ATP8B4: variants seen among roughly 807,000 people sequenced by gnomAD.
ATP8B4 encodes probable phospholipid-transporting ATPase IM.
In ATP8B4, 133 loss-of-function variants were observed where a neutral mutation model predicts 145.6. The observed-to-expected ratio is 0.91, with a 90% confidence interval of 0.79 to 1.05. The LOEUF (loss-of-function observed/expected upper bound fraction) is 1.05, where lower values mean the gene tolerates loss of function less well. Among genes scored for constraint, ATP8B4 ranks in the 50% least tolerant of loss-of-function variants. The pLI is 0.00. For synonymous variants in ATP8B4, 507 were observed against 492.9 expected (o/e 1.03, Z -0.38); for missense variants, 1,458 against 1,425.2 (o/e 1.02, Z -0.37).
chr15:50,043,413 T>G (rs147711392), intron 5 of ATP8B4, among the ~76,000 whole-genome samples: 97 of 152,236 alleles, frequency 6.4e-4, no homozygotes, highest in African/African-American at 2.2e-3. Flanking sequence ...ATACACAGAT[T>G]TTTTTTCTCT....
At chr15:50,000,872 A>G (rs2047832298) in intron 8 of ATP8B4, among the ~76,000 whole-genome samples, 1 of 152,118 alleles carries the variant, frequency 6.6e-6, no homozygotes, top group South Asian at 2.1e-4. Flanking sequence ...TTATAGAGCT[A>G]TTCAAATTAT....
intron 19 of ATP8B4, among the ~76,000 whole-genome samples, chr15:49,918,156 T>C (rs142514551): frequency 6.6e-6 from 1 of 152,358 alleles, no homozygotes; most frequent in African/African-American, 2.4e-5. Context: ...CCATTACTGC[T>C]AGCAGTAGAT....
intron 24 of ATP8B4, 133 bp downstream of exon 24, chr15:49,879,243 A>G: frequency 1.4e-6 from 1 of 740,512 alleles, no homozygotes; most frequent in Non-Finnish European, 2.2e-6. Context: ...AGCATGTGTG[A>G]TCCATGCAAA....
chr15:49,912,551 C>G (rs905812708), intron 20 of ATP8B4, among the ~76,000 whole-genome samples: 3 of 151,876 alleles, frequency 2.0e-5, no homozygotes, highest in Non-Finnish European at 4.4e-5. Flanking sequence ...AAAGAAAAAC[C>G]CAGAATTGGA....
chr15:50,038,685 T>C, intron 6 of ATP8B4, 83 bp downstream of exon 6: 4 of 1,057,232 alleles, frequency 3.8e-6, no homozygotes, highest in Non-Finnish European at 5.7e-6. Context: ...ATGTATCTAA[T>C]TAAAAGAGAA....
intron 1 of ATP8B4, among the ~76,000 whole-genome samples, chr15:50,127,143 A>G (rs2057313212): frequency 6.6e-6 from 1 of 152,154 alleles, no homozygotes; most frequent in South Asian, 2.1e-4. Context: ...AGGTCAAACC[A>G]ATAGCCTCCA....
chr15:49,919,542 C>T (rs1191941270), intron 18 of ATP8B4, among the ~76,000 whole-genome samples: 5 of 152,100 alleles, frequency 3.3e-5, no homozygotes, highest in Non-Finnish European at 7.4e-5. Context: ...CTCAGCCTCC[C>T]AAGTAGTTGG....
rs1360265032 is a variant in ATP8B4, at chr15:50,044,580, G to C, written c.300+14C>G. 6.4e-7 allele frequency: 1 copy of C among 1,572,268 alleles called. No homozygotes were observed. The highest frequency in any genetic ancestry group is 8.7e-7 in the Non-Finnish European group (1 of 1,145,376). ...AAATTGAGACCTCAAGAATGCTCAA[G>C]AGCAAATACTCACATAGTCATCTGT... On this transcript the variant is annotated intron_variant, in intron 5 of 27. Transcript: ENST00000284509.
chr15:50,002,040 T>A, intron 8 of ATP8B4, 113 bp downstream of exon 8: 1 of 836,798 alleles, frequency 1.2e-6, no homozygotes, highest in Non-Finnish European at 1.9e-6. Flanking sequence ...CTTTGCAATG[T>A]AAACTCCTAT....
chr15:50,002,101 A>T, intron 8 of ATP8B4, 52 bp downstream of exon 8: 1 of 1,405,166 alleles, frequency 7.1e-7, no homozygotes, highest in Non-Finnish European at 9.9e-7. Context: ...TAAAGACATT[A>T]CTTTTAAATA....
At chr15:50,036,568 G>A (rs1375271181) in intron 6 of ATP8B4, among the ~76,000 whole-genome samples, 1 of 152,206 alleles carries the variant, frequency 6.6e-6, no homozygotes, top group Non-Finnish European at 1.5e-5. Flanking sequence ...TCCATAGCCT[G>A]AGCACATTCT....
intron 21 of ATP8B4, 68 bp from the exon 22 acceptor site, chr15:49,898,319 A>G: frequency 1.4e-6 from 2 of 1,464,664 alleles, no homozygotes; most frequent in Non-Finnish European, 1.9e-6. Flanking sequence ...AAACAAGACA[A>G]ATGTTTTGTT....
chr15:49,951,382 T>TA (rs1477572894), intron 14 of ATP8B4, among the ~76,000 whole-genome samples: 1 of 152,242 alleles, frequency 6.6e-6, no homozygotes, highest in Non-Finnish European at 1.5e-5. Flanking sequence ...GTTGCTCCTG[T>TA]ACTGGGTGCA....
chr15:50,072,967 T>C (rs2053884036), intron 3 of ATP8B4, among the ~76,000 whole-genome samples: 1 of 35,938 alleles, frequency 2.8e-5, no homozygotes, highest in Admixed American at 3.8e-4. Flanking sequence ...TCTCTCTCTC[T>C]CTCTCTCTCT....
chr15:50,018,293 A>T (rs1176092686), intron 6 of ATP8B4, among the ~76,000 whole-genome samples: 3 of 152,090 alleles, frequency 2.0e-5, no homozygotes, highest in African/African-American at 7.2e-5. Flanking sequence ...TGGCCCTAGA[A>T]TTCTTAATGA....
In ATP8B4 at chr15:49,934,786, A is replaced by T. The variant is rs2041595838; in HGVS notation, c.1288-604T>A. Among the ~76,000 whole-genome samples the T allele has an allele frequency of 2.0e-5, 3 of 152,094 alleles. No homozygotes were observed. The South Asian group carries it at 6.2e-4, about 31-fold the overall frequency. ...CCAAAGTTTTCGATAAGGAACTGTG[A>T]GCCTGTATCTATTTCAGGAGCAAGC... On this transcript the variant is annotated intron_variant, in intron 14 of 27. Transcript: ENST00000284509.
At chr15:50,052,971 T>A (rs757139618) in intron 3 of ATP8B4, among the ~76,000 whole-genome samples, 2 of 152,124 alleles carry the variant, frequency 1.3e-5, no homozygotes, top group African/African-American at 2.4e-5. Flanking sequence ...TCACCCTAGC[T>A]AGGTGGAAAA....
intron 3 of ATP8B4, among the ~76,000 whole-genome samples, chr15:50,056,330 T>C (rs747499367): frequency 8.6e-4 from 131 of 152,196 alleles, no homozygotes; most frequent in Admixed American, 3.0e-3. Context: ...TCGAGTAAGT[T>C]TGTATGTTAG....
At chr15:49,944,572 C>G (rs1159972723) in intron 14 of ATP8B4, among the ~76,000 whole-genome samples, 1 of 152,054 alleles carries the variant, frequency 6.6e-6, no homozygotes, top group African/African-American at 2.4e-5. Flanking sequence ...ATGAAGCAAC[C>G]ATTGACAGAA....
Sources: allele counts gnomAD v4.1 joint callset (sites outside exome capture counted in the v4.1 genomes callset), GRCh38; gene constraint gnomAD v4.1.1; transcripts MANE v1.5; gene names NCBI Gene and HGNC (gene_info 2026-07-23, HGNC 2026-07-21).